Variants in STAM2 observed in about 807,000 individuals in gnomAD.
STAM2 encodes signal transducing adaptor molecule 2.
A neutral mutation model predicts 65.6 loss-of-function variants in STAM2; 51 were observed. That is an observed-to-expected ratio of 0.78 (90% CI 0.62 to 0.98). The LOEUF is 0.98. Among genes scored for constraint, STAM2 ranks in the 50% least tolerant of loss-of-function variants. The probability of loss-of-function intolerance (pLI) is 0.00; values close to 1 mark genes in which losing one functional copy is unlikely to be tolerated. For missense variants in STAM2, 584 were observed against 617.8 expected, an observed-to-expected ratio of 0.95 and a Z score of 0.58; for synonymous variants, 198 against 208.4, an observed-to-expected ratio of 0.95 and a Z score of 0.43.
intron 8 of STAM2, among the ~76,000 whole-genome samples, chr2:152,133,790 T>C (rs562680976): frequency 7.2e-4 from 109 of 152,264 alleles, no homozygotes; most frequent in African/African-American, 2.5e-3. Flanking sequence ...AAGTGTACAA[T>C]ATAAACAGCA....
intron 1 of STAM2, among the ~76,000 whole-genome samples, chr2:152,161,028 T>C (rs1234728005): frequency 6.6e-6 from 1 of 152,146 alleles, no homozygotes; most frequent in Non-Finnish European, 1.5e-5. Flanking sequence ...TGGGCCATGA[T>C]GACGGTGGCG....
At chr2:152,170,356 G>C (rs181360778) in intron 1 of STAM2, among the ~76,000 whole-genome samples, 4 of 151,876 alleles carry the variant, frequency 2.6e-5, no homozygotes, top group Non-Finnish European at 5.9e-5. Context: ...GGTAGCAGGC[G>C]TCTGTAATCC....
chr2:152,124,558 A>T (rs1478775434), intron 12 of STAM2: 1 of 152,278 alleles, frequency 6.6e-6, no homozygotes, highest in Non-Finnish European at 1.5e-5. Context: ...TATGTGCCCT[A>T]CTTATTTTCA....
chr2:152,164,634 G>A (rs1190755798), intron 1 of STAM2, among the ~76,000 whole-genome samples: 5 of 152,114 alleles, frequency 3.3e-5, no homozygotes, highest in African/African-American at 2.4e-5. Flanking sequence ...GAGCCACTGC[G>A]CCCAGCTGAT....
chr2:152,169,966 T>C (rs907506117), intron 1 of STAM2, among the ~76,000 whole-genome samples: 1 of 151,676 alleles, frequency 6.6e-6, no homozygotes. Flanking sequence ...GCCTCCCGAG[T>C]AGCTGAGATG....
rs1204069226 is a variant in STAM2 at position 152,160,602 on chromosome 2, G to A, written c.41-10373C>T. On this transcript the variant is annotated intron_variant, in intron 1 of 13. Coordinates refer to ENST00000263904, the MANE Select transcript of STAM2 (RefSeq NM_005843.6). ...GCCAGCCGCTCCGTCCAGGAGGGAG[G>A]TGGGGGGTCAGCCCCACCCAGGCCA... Among the ~76,000 whole-genome samples, 4 of 151,516 alleles carry A rather than the reference G, an allele frequency of 2.6e-5. No homozygotes were observed. The East Asian group carries it at 7.9e-4, about 30-fold the overall frequency.
At chr2:152,149,424 C>T (rs1489014222) in intron 2 of STAM2, among the ~76,000 whole-genome samples, 1 of 151,470 alleles carries the variant, frequency 6.6e-6, no homozygotes, top group East Asian at 1.9e-4. Flanking sequence ...TTAAGGACAC[C>T]AACACCCCAC....
chr2:152,144,333 T>C (rs1689301342), intron 6 of STAM2, among the ~76,000 whole-genome samples: 2 of 152,048 alleles, frequency 1.3e-5, no homozygotes, highest in African/African-American at 4.8e-5. Flanking sequence ...CTCATAACTT[T>C]GGCATTAAAA....
In STAM2 at chr2:152,126,284, T is replaced by C. The variant is rs762909454; in HGVS notation, c.1121A>G (p.Tyr374Cys). ...ATGTGCTGGAGGGTGGAGCTTTGAA[T>C]AGACTGAGTACACTGGTGCTTCATT... ...LVNEAPVYSVYSKLHPPAHYP... is the reference protein window; with the variant it reads ...LVNEAPVYSVCSKLHPPAHYP... The change falls in exon 12 of 14, where the codon TAT becomes TGT. Residue 374 changes from tyrosine (Y) to cysteine (C), a missense_variant. Physicochemically the swap from Tyr to Cys is radical, Grantham distance 194. Transcript: ENST00000263904. 110 of 1,611,690 alleles carry C rather than the reference T, an allele frequency of 6.8e-5. No individual in the cohort carries two copies. Among genetic ancestry groups the C allele is most frequent in the Admixed American group, 1.2e-4 (7 of 59,680 alleles).
intron 1 of STAM2, among the ~76,000 whole-genome samples, chr2:152,159,480 C>CA: frequency 6.6e-6 from 1 of 151,974 alleles, no homozygotes; most frequent in East Asian, 1.9e-4. Context: ...CTAAATTCTT[C>CA]AAAAATGTAG....
At chr2:152,168,177 T>C (rs998473681) in intron 1 of STAM2, among the ~76,000 whole-genome samples, 5 of 152,104 alleles carry the variant, frequency 3.3e-5, no homozygotes, top group African/African-American at 1.2e-4. Flanking sequence ...TTTTTTTCTT[T>C]TGAGATGGAG....
chr2:152,148,316 G>C lies in STAM2; in HGVS notation c.126-16C>G. The C allele has an allele frequency of 6.5e-7, 1 of 1,537,612 alleles. No homozygotes were observed. The highest frequency in any genetic ancestry group is 8.9e-7 in the Non-Finnish European group (1 of 1,123,096). On this transcript the variant is annotated splice_polypyrimidine_tract_variant and intron_variant, in intron 2 of 13. Coordinates refer to ENST00000263904, the MANE Select transcript of STAM2 (RefSeq NM_005843.6). ...ATCTTTCGCTCTAAAAAAAAAAAGA[G>C]AGAGAGAGACAGTTAAGTATTTACT...
chr2:152,142,918 T>C (rs1436596436), intron 7 of STAM2, among the ~76,000 whole-genome samples: 1 of 152,350 alleles, frequency 6.6e-6, no homozygotes, highest in South Asian at 2.1e-4. Flanking sequence ...ACACCTGAAA[T>C]GGAGCCGCAG....
rs780396735 is a variant in STAM2 at position 152,144,011 on chromosome 2, T to C, written c.520A>G (p.Ile174Val). ...NKEDEDIAKAIELSLQEQKQQ... is the reference protein window; with the variant it reads ...NKEDEDIAKAVELSLQEQKQQ... ...TTCTGTTCTTGCAGCGATAATTCAA[T>C]AGCTAGTTTCAAAAATTAAAATGCA... The change falls in exon 7 of 14, where the codon ATT becomes GTT. Residue 174 changes from isoleucine (I) to valine (V), a missense_variant and splice_region_variant. Coordinates refer to ENST00000263904, the MANE Select transcript of STAM2 (RefSeq NM_005843.6). 12 of 1,599,324 alleles carry C rather than the reference T, an allele frequency of 7.5e-6. No individual in the cohort carries two copies. In the South Asian group the frequency reaches 1.4e-4, roughly 18 times the overall value.
At chr2:152,127,181 T>C (rs1039790700) in intron 11 of STAM2, among the ~76,000 whole-genome samples, 1 of 152,164 alleles carries the variant, frequency 6.6e-6, no homozygotes, top group African/African-American at 2.4e-5. Flanking sequence ...CTGCTTTTGT[T>C]CTTTTGTTGC....
At chr2:152,142,982 T>C (rs1262644490) in intron 7 of STAM2, among the ~76,000 whole-genome samples, 1 of 152,204 alleles carries the variant, frequency 6.6e-6, no homozygotes, top group Non-Finnish European at 1.5e-5. Flanking sequence ...CTATCTGGGC[T>C]CCAACAGCAC....
chr2:152,169,423 C>A (rs746920013), intron 1 of STAM2, among the ~76,000 whole-genome samples: 1 of 152,052 alleles, frequency 6.6e-6, no homozygotes, highest in African/African-American at 2.4e-5. Context: ...ACTACAGGTG[C>A]GCGCCACCAT....
intron 1 of STAM2, among the ~76,000 whole-genome samples, chr2:152,153,489 T>C (rs1480174462): frequency 6.6e-6 from 1 of 152,136 alleles, no homozygotes; most frequent in Non-Finnish European, 1.5e-5. Flanking sequence ...CTCAGTTAAA[T>C]ACTGGAACTC....
In STAM2 at chr2:152,120,448, T is replaced by C. The variant is rs570432799; in HGVS notation, c.*126A>G. On this transcript the variant is annotated 3_prime_UTR_variant, in exon 14 of 14. Transcript: ENST00000263904. ...TGGCCTTGTAGAATAAGAGAGGTTT[T>C]TGTGCTTTATTTATTCATGGTCCTT... 1.3e-6 allele frequency: 1 copy of C among 792,044 alleles called. No individual in the cohort carries two copies. Among genetic ancestry groups the C allele is most frequent in the Non-Finnish European group, 2.0e-6 (1 of 502,638 alleles). 49.1% of individuals were successfully genotyped at this position (792,044 alleles called of 1,614,324 possible).
Sources: allele counts gnomAD v4.1 joint callset (sites outside exome capture counted in the v4.1 genomes callset), GRCh38; gene constraint gnomAD v4.1.1; transcripts MANE v1.5; gene names NCBI Gene and HGNC (gene_info 2026-07-23, HGNC 2026-07-21).